RYR2: variants seen among roughly 807,000 people sequenced by gnomAD.
The protein encoded by RYR2 is ryanodine receptor 2.
RYR2 carries 227 observed loss-of-function variants against 601.1 expected under a neutral mutation model. The ratio of observed to expected loss-of-function variants is 0.38; its 90% confidence interval spans 0.34 to 0.42. The LOEUF is 0.42. RYR2 is among the 10% of genes least tolerant of loss of function. RYR2 has a pLI of 1.00. For synonymous variants in RYR2, 2,223 were observed against 2,175.1 expected (o/e 1.02, Z -0.61); for missense variants, 4,646 against 6,156.5 (o/e 0.75, Z 8.21).
At chr1:237,336,397 CTTA>C (rs1232775683) in intron 3 of RYR2, among the ~76,000 whole-genome samples, 1 of 152,086 alleles carries the variant, frequency 6.6e-6, no homozygotes, top group African/African-American at 2.4e-5. Context: ...AGTAAAATGG[CTTA>C]TTGTTTTATA....
chr1:237,117,757 C>CTTCTCTTCTCTTT (rs1670299112), intron 1 of RYR2, among the ~76,000 whole-genome samples: 1 of 141,436 alleles, frequency 7.1e-6, no homozygotes, highest in Admixed American at 7.4e-5. Context: ...CTTCTCTTCT[C>CTTCTCTTCTCTTT]TGTTCTGAGA....
At chr1:237,633,750 A>T (rs751362101) in intron 43 of RYR2, 40 bp downstream of exon 43, 20 of 1,558,592 alleles carry the variant, frequency 1.3e-5, no homozygotes, top group Non-Finnish European at 4.4e-6. Flanking sequence ...AGGTTGAAAT[A>T]ATATAATATT....
At chr1:237,594,886 GTTTTTTTTTTTTTTTTTTTTTTTT>G (rs776702428) in intron 33 of RYR2, among the ~76,000 whole-genome samples, 4 of 60,420 alleles carry the variant, frequency 6.6e-5, no homozygotes, top group South Asian at 7.1e-4. Flanking sequence ...ATATCACTGG[GTTTTTTTTTTTTTTTTTTTTTTTT>G]TTTTTTTTTT....
chr1:237,638,145 T>C (rs1052362699), intron 44 of RYR2, among the ~76,000 whole-genome samples: 4 of 152,148 alleles, frequency 2.6e-5, no homozygotes, highest in African/African-American at 9.7e-5. Flanking sequence ...ATATTTTTAT[T>C]ATGATGCCAT....
At chr1:237,289,636 G>C (rs1053439361) in intron 2 of RYR2, among the ~76,000 whole-genome samples, 1 of 141,588 alleles carries the variant, frequency 7.1e-6, no homozygotes, top group Non-Finnish European at 1.6e-5. Context: ...CTCCCACTGG[G>C]TCCCTCCCAT....
At chr1:237,301,296 G>A (rs919074734) in intron 2 of RYR2, among the ~76,000 whole-genome samples, 1 of 152,084 alleles carries the variant, frequency 6.6e-6, no homozygotes, top group Non-Finnish European at 1.5e-5. Flanking sequence ...ACTCAAGATT[G>A]CAAGTATTAG....
At chr1:237,555,432 A>G (rs1670785252) in intron 27 of RYR2, among the ~76,000 whole-genome samples, 1 of 152,132 alleles carries the variant, frequency 6.6e-6, no homozygotes, top group South Asian at 2.1e-4. Context: ...ATACTTATAT[A>G]ATGATAAAGA....
chr1:237,327,445 T>C (rs1010766638), intron 2 of RYR2, among the ~76,000 whole-genome samples: 6 of 152,228 alleles, frequency 3.9e-5, no homozygotes, highest in Admixed American at 3.9e-4. Flanking sequence ...CATGAGATAT[T>C]ACAGCAATCC....
At chr1:237,780,728 A>G (rs1211684108) in intron 88 of RYR2, among the ~76,000 whole-genome samples, 1 of 152,226 alleles carries the variant, frequency 6.6e-6, no homozygotes, top group Admixed American at 6.5e-5. Flanking sequence ...AATAAGATAC[A>G]TTGTGTAATA....
At chr1:237,307,102 A>C (rs985858730) in intron 2 of RYR2, among the ~76,000 whole-genome samples, 5 of 152,216 alleles carry the variant, frequency 3.3e-5, no homozygotes, top group Admixed American at 3.3e-4. Flanking sequence ...GCTGTATTTG[A>C]GCTTGTATTT....
intron 3 of RYR2, among the ~76,000 whole-genome samples, chr1:237,348,742 G>A (rs1002960901): frequency 6.6e-6 from 1 of 152,082 alleles, no homozygotes; most frequent in Admixed American, 6.6e-5. Context: ...AAAAAGATCT[G>A]ACAGTAGAAA....
chr1:237,815,530 T>G (rs936832493), intron 100 of RYR2, among the ~76,000 whole-genome samples: 3 of 152,194 alleles, frequency 2.0e-5, no homozygotes, highest in Admixed American at 6.5e-5. Context: ...AATAATCAGA[T>G]GCACAAGACT....
chr1:237,750,305 C>G (rs140332939), intron 80 of RYR2, among the ~76,000 whole-genome samples: 296 of 151,796 alleles, frequency 1.9e-3, no homozygotes, highest in African/African-American at 6.4e-3. Context: ...TAGGGCCTTC[C>G]AAGAATAGAA....
chr1:237,558,663 A>G (rs145368862), intron 27 of RYR2, among the ~76,000 whole-genome samples: 20 of 152,218 alleles, frequency 1.3e-4, no homozygotes, highest in Admixed American at 1.3e-3. Flanking sequence ...CAAATTTGGG[A>G]AGCTTCTGGC....
At chr1:237,667,805 G>T (rs1290981270) in intron 57 of RYR2, 78 bp from the exon 58 acceptor site, 39 of 1,024,144 alleles carry the variant, frequency 3.8e-5, no homozygotes, top group Non-Finnish European at 5.5e-5. Flanking sequence ...TTCCTTTACG[G>T]TATCTAATAT....
intron 17 of RYR2, among the ~76,000 whole-genome samples, chr1:237,491,550 T>TA (rs1663341574): frequency 6.6e-6 from 1 of 152,238 alleles, no homozygotes; most frequent in South Asian, 2.1e-4. Context: ...CGGGTAGCGT[T>TA]ACCGGCTTCC....
chr1:237,206,722 G>A (rs1681859997), intron 1 of RYR2, among the ~76,000 whole-genome samples: 1 of 152,044 alleles, frequency 6.6e-6, no homozygotes, highest in South Asian at 2.1e-4. Context: ...TCCATTCTGT[G>A]GCTATTGAAT....
chr1:237,401,014 G>A (rs574650664), intron 10 of RYR2, among the ~76,000 whole-genome samples: 3 of 152,244 alleles, frequency 2.0e-5, no homozygotes, highest in Admixed American at 1.3e-4. Flanking sequence ...TTGTGATCCA[G>A]AAATAGACCA....
intron 1 of RYR2, among the ~76,000 whole-genome samples, chr1:237,124,813 C>T (rs1027055873): frequency 6.6e-6 from 1 of 152,152 alleles, no homozygotes; most frequent in South Asian, 2.1e-4. Context: ...GCCTGACCAC[C>T]CCCATCCCAT....
Sources: gnomAD v4.1 joint callset for allele counts (sites outside exome capture counted in the v4.1 genomes callset) on GRCh38, gnomAD v4.1.1 for gene constraint, MANE v1.5 for transcripts, NCBI Gene and HGNC (gene_info 2026-07-23, HGNC 2026-07-21) for gene names.